Variants in SLC25A46 observed in about 807,000 individuals in gnomAD.
The protein encoded by SLC25A46 is solute carrier family 25 member 46.
SLC25A46 carries 39 observed loss-of-function variants against 44.6 expected under a neutral mutation model. The observed-to-expected ratio is 0.87, with a 90% CI of 0.68 to 1.14. The LOEUF (loss-of-function observed/expected upper bound fraction) is 1.14. SLC25A46 is among the 50% of genes most tolerant of loss of function. The pLI is 0.00. For missense variants in SLC25A46, 547 were observed against 522.7 expected (o/e 1.05, Z -0.45); for synonymous variants, 202 against 185.8 (o/e 1.09, Z -0.71).
chr5:110,742,155 C>T, intron 2 of SLC25A46, 66 bp downstream of exon 2: 2 of 1,133,568 alleles, frequency 1.8e-6, no homozygotes, highest in Non-Finnish European at 2.5e-6. Flanking sequence ...CTTTAATTTA[C>T]AATATTAAAT....
In SLC25A46 at chr5:110,739,027, C is replaced by G. The variant is rs946817134; in HGVS notation, c.-93C>G. On this transcript the variant is annotated 5_prime_UTR_variant, in exon 1 of 8. Transcript: ENST00000355943. ...TTGTCAGAATTTACCCCTGACGCGG[C>G]GGCGGCCGACGGGAAGCTGTGTGTG... 9 of 1,487,026 alleles carry G rather than the reference C, an allele frequency of 6.1e-6. No homozygotes were observed. Among genetic ancestry groups the G allele is most frequent in the Non-Finnish European group, 8.0e-6 (9 of 1,127,598 alleles). 92.1% of individuals were successfully genotyped at this position (1,487,026 alleles called of 1,614,324 possible). A position where few individuals can be genotyped will look rare whatever the true frequency, so the allele number is the denominator to read the frequency against.
intron 5 of SLC25A46, chr5:110,754,133 C>G (rs1264861207): frequency 6.6e-6 from 1 of 151,956 alleles, no homozygotes; most frequent in Admixed American, 6.6e-5. Flanking sequence ...GGTAGTTGCT[C>G]TATTGTCTGA....
At position 110,761,233 on chromosome 5, in the gene SLC25A46, T is replaced by C. The variant is rs1362024413; in HGVS notation, c.708T>C (p.Ile236=). 1 of 1,608,354 alleles carries C rather than the reference T, an allele frequency of 6.2e-7. No homozygotes were observed. ...AGATAATTCGAGATAATACTGGCAT[T>C]TTGGAGTGTGTTAAAGAAGGAATTG... ...QSEIIRDNTG[I]LECVKEGIGR... Residue 236 remains isoleucine, a synonymous_variant, in exon 8 of 8, where the codon ATT becomes ATC. Transcript: ENST00000355943. This position sits in a 1 kb window ranked among gnomAD's most constrained non-coding sequence, Gnocchi z 5.3.
At position 110,764,646 on chromosome 5, in the gene SLC25A46, A is replaced by G. The variant is rs567678043; in HGVS notation, c.*2864A>G. On this transcript the variant is annotated 3_prime_UTR_variant, in exon 8 of 8. Transcript: ENST00000355943. ...TACAAATGCTTTAGTGTTTCTACCT[A>G]AGTATTAGTACATCTGTTCAGGAAA... 1 of 151,958 alleles carries G rather than the reference A, an allele frequency of 6.6e-6. No individual in the cohort carries two copies. Among genetic ancestry groups the G allele is most frequent in the African/African-American group, 2.4e-5 (1 of 41,496 alleles). 9.4% of individuals were successfully genotyped at this position (151,958 alleles called of 1,614,324 possible). A position where few individuals can be genotyped will look rare whatever the true frequency, so the allele number is the denominator to read the frequency against.
chr5:110,756,044 T>G (rs1264413596), intron 6 of SLC25A46: 1 of 152,368 alleles, frequency 6.6e-6, no homozygotes, highest in African/African-American at 2.4e-5. Flanking sequence ...AGTGGGACAT[T>G]CCAGCACATT....
Position 110,761,878 on chromosome 5 carries a change from T to C in SLC25A46, c.*96T>C. ...ACAAGTGAAATACTGGGGAAGAAAA[T>C]GGATTGGAAAGTAAAATTGGTACTA... On this transcript the variant is annotated 3_prime_UTR_variant, in exon 8 of 8. Coordinates refer to ENST00000355943, the MANE Select transcript of SLC25A46 (RefSeq NM_138773.4). This position sits in a 1 kb window ranked among gnomAD's most constrained non-coding sequence, Gnocchi z 5.3. 1 of 1,066,358 alleles carries C rather than the reference T, an allele frequency of 9.4e-7. No individual in the cohort carries two copies. The highest frequency in any genetic ancestry group is 1.3e-6 in the Non-Finnish European group (1 of 759,314). 66.1% of individuals were successfully genotyped at this position (1,066,358 alleles called of 1,614,324 possible). A position where few individuals can be genotyped will look rare whatever the true frequency, so the allele number is the denominator to read the frequency against.
chr5:110,750,678 C>G (rs1334423763), intron 5 of SLC25A46, among the ~76,000 whole-genome samples: 1 of 152,150 alleles, frequency 6.6e-6, no homozygotes, highest in Non-Finnish European at 1.5e-5. Flanking sequence ...GAAAAAAACT[C>G]TGTACACATT....
In SLC25A46 at chr5:110,746,327, A is replaced by C. The variant is rs1024293971; in HGVS notation, c.443A>C (p.Tyr148Ser). Residue 148 changes from tyrosine (Y) to serine (S), a missense_variant, in exon 4 of 8, where the codon TAC (tyrosine) becomes TCC (serine). Transcript: ENST00000355943. ...LTPFTVINIMYSFNKTQGPRA... is the reference protein window; with the variant it reads ...LTPFTVINIMSSFNKTQGPRA... ...CCATTTACAGTCATCAATATTATGT[A>C]CAGTTTCAACAAAACTCAGGTGAGA... is the stretch of plus-strand genomic sequence containing the variant. The C allele has an allele frequency of 6.3e-7, 1 of 1,588,722 alleles. No homozygotes were observed. The highest frequency in any genetic ancestry group is 8.5e-7 in the Non-Finnish European group (1 of 1,171,202).
At chr5:110,748,601 G>T (rs951826123) in intron 5 of SLC25A46, among the ~76,000 whole-genome samples, 1 of 152,076 alleles carries the variant, frequency 6.6e-6, no homozygotes, top group Admixed American at 6.5e-5. Context: ...AATGTGTCTT[G>T]GCTTAGTATC....
At chr5:110,742,819 CTA>C (rs1008303392) in intron 2 of SLC25A46, among the ~76,000 whole-genome samples, 43 of 152,024 alleles carry the variant, frequency 2.8e-4, no homozygotes, top group African/African-American at 8.9e-4. Flanking sequence ...TTTTTTATAT[CTA>C]ACGATCATTT....
rs3213937 is a variant in SLC25A46, at chr5:110,755,358, A to G, written c.564-107A>G. 34,212 of 674,662 alleles carry G rather than the reference A, an allele frequency of 0.051. 2,287 individuals carry two copies. Among genetic ancestry groups the G allele is most frequent in the East Asian group, 0.27 (9,640 of 35,250 alleles). 41.8% of individuals were successfully genotyped at this position (674,662 alleles called of 1,614,324 possible). A position where few individuals can be genotyped will look rare whatever the true frequency, so the allele number is the denominator to read the frequency against. Reference sequence around the variant, plus strand: ...CACCATTAGAATATATTTCTCCTACAGATTGAAAAAAATTAGAAGTTGATT... The same window carrying G: ...CACCATTAGAATATATTTCTCCTACGGATTGAAAAAAATTAGAAGTTGATT... On this transcript the variant is annotated intron_variant, in intron 5 of 7. Transcript: ENST00000355943.
At chr5:110,741,839 A>G (rs1799698842) in intron 1 of SLC25A46, 1 of 492,890 alleles carries the variant, frequency 2.0e-6, no homozygotes. Context: ...TAAACACTCT[A>G]CACCTTGCAA....
chr5:110,747,000 A>C (rs1252770202), intron 4 of SLC25A46, among the ~76,000 whole-genome samples: 1 of 152,190 alleles, frequency 6.6e-6, no homozygotes, highest in Non-Finnish European at 1.5e-5. Context: ...CTAGATCTTA[A>C]AAGCTACAAG....
chr5:110,759,028 A>T (rs555192312), intron 7 of SLC25A46, among the ~76,000 whole-genome samples: 43 of 152,086 alleles, frequency 2.8e-4, no homozygotes, highest in African/African-American at 8.4e-4. Context: ...CTAAACTTTT[A>T]AAAAAAATGT....
rs1020039360 is a variant in SLC25A46, at chr5:110,755,359, G to A, written c.564-106G>A. 4.4e-6 allele frequency: 3 copies of A among 680,438 alleles called. No individual in the cohort carries two copies. In the African/African-American group the frequency reaches 5.6e-5, roughly 13 times the overall value. 42.2% of individuals were successfully genotyped at this position (680,438 alleles called of 1,614,324 possible). A position where few individuals can be genotyped will look rare whatever the true frequency, so the allele number is the denominator to read the frequency against. On this transcript the variant is annotated intron_variant, in intron 5 of 7. Transcript: ENST00000355943. ...ACCATTAGAATATATTTCTCCTACA[G>A]ATTGAAAAAAATTAGAAGTTGATTA...
chr5:110,745,394 C>T (rs978423613), intron 3 of SLC25A46, among the ~76,000 whole-genome samples: 75 of 152,068 alleles, frequency 4.9e-4, no homozygotes, highest in Admixed American at 9.8e-4. Flanking sequence ...GCTGGGACTA[C>T]AGGAGCCCGC....
chr5:110,751,907 T>C (rs1366606913), intron 5 of SLC25A46, among the ~76,000 whole-genome samples: 2 of 152,198 alleles, frequency 1.3e-5, no homozygotes, highest in Non-Finnish European at 2.9e-5. Context: ...ATAGTGTGAA[T>C]ATCTTTTAAA....
At chr5:110,750,531 G>A (rs575469704) in intron 5 of SLC25A46, among the ~76,000 whole-genome samples, 2 of 152,226 alleles carry the variant, frequency 1.3e-5, no homozygotes, top group South Asian at 4.1e-4. Flanking sequence ...ATAAAATGGT[G>A]TTGTATTTGC....
chr5:110,744,222 T>G (rs566238852), intron 3 of SLC25A46, among the ~76,000 whole-genome samples: 24 of 152,318 alleles, frequency 1.6e-4, no homozygotes, highest in Admixed American at 1.5e-3. Flanking sequence ...AGTTTAGTCT[T>G]GTACACATGT....
Sources: gnomAD v4.1 joint callset for allele counts (sites outside exome capture counted in the v4.1 genomes callset) on GRCh38, gnomAD v4.1.1 for gene constraint, Gnocchi (gnomAD v3.1) non-coding constraint, MANE v1.5 for transcripts, NCBI Gene and HGNC (gene_info 2026-07-23, HGNC 2026-07-21) for gene names.